TBC1D5: variants seen among roughly 807,000 people sequenced by gnomAD.
TBC1D5 encodes the protein TBC1 domain family member 5, also known as TBC1 domain family, member 5.
TBC1D5 carries 75 observed loss-of-function variants against 100.3 expected under a neutral mutation model. That is an observed-to-expected ratio of 0.75 (90% CI 0.62 to 0.91). The LOEUF (loss-of-function observed/expected upper bound fraction) is 0.91. Among genes scored for constraint, TBC1D5 ranks in the 40% least tolerant of loss-of-function variants. The pLI is 0.00. For missense variants in TBC1D5, 910 were observed against 942.4 expected (o/e 0.97, Z 0.45); for synonymous variants, 323 against 325.6 (o/e 0.99, Z 0.09).
At chr3:17,300,718 G>C (rs1484368725) in intron 14 of TBC1D5, among the ~76,000 whole-genome samples, 1 of 152,150 alleles carries the variant, frequency 6.6e-6, no homozygotes, top group Non-Finnish European at 1.5e-5. Context: ...TTCCATTTAT[G>C]GTGTTCAAAG....
At chr3:17,287,207 G>C (rs2081270146) in intron 15 of TBC1D5, among the ~76,000 whole-genome samples, 1 of 152,170 alleles carries the variant, frequency 6.6e-6, no homozygotes, top group African/African-American at 2.4e-5. Flanking sequence ...TGTTCAACTA[G>C]ATTAGAGTCA....
chr3:17,718,291 C>T (rs1442445680), intron 1 of TBC1D5, among the ~76,000 whole-genome samples: 1 of 152,146 alleles, frequency 6.6e-6, no homozygotes, highest in African/African-American at 2.4e-5. Context: ...CTGTGAAATA[C>T]ATGACATAAA....
intron 1 of TBC1D5, among the ~76,000 whole-genome samples, chr3:17,736,615 C>T (rs1283994716): frequency 6.6e-6 from 1 of 152,232 alleles, no homozygotes; most frequent in Non-Finnish European, 1.5e-5. Flanking sequence ...AATCAATCCA[C>T]TATCCCATCC....
chr3:17,457,716 C>T (rs559308962), intron 3 of TBC1D5, among the ~76,000 whole-genome samples: 1 of 151,184 alleles, frequency 6.6e-6, no homozygotes, highest in Non-Finnish European at 1.5e-5. Flanking sequence ...TTTTCTTGCG[C>T]GTTCATATGC....
intron 3 of TBC1D5, among the ~76,000 whole-genome samples, chr3:17,481,142 C>A (rs576945503): frequency 3.3e-5 from 5 of 152,302 alleles, no homozygotes; most frequent in Admixed American, 2.6e-4. Flanking sequence ...GATGTGGGTG[C>A]CCACAATGGA....
At chr3:17,559,891 A>G (rs2096547459) in intron 2 of TBC1D5, among the ~76,000 whole-genome samples, 2 of 152,088 alleles carry the variant, frequency 1.3e-5, no homozygotes, top group Admixed American at 1.3e-4. Flanking sequence ...GCCCGGCCAA[A>G]TCTAGAATTT....
At chr3:17,606,220 C>T (rs536437579) in intron 2 of TBC1D5, among the ~76,000 whole-genome samples, 8 of 152,226 alleles carry the variant, frequency 5.3e-5, no homozygotes, top group South Asian at 4.2e-4. Flanking sequence ...GAGGGAGGAT[C>T]GCTTGAGCCC....
At chr3:17,625,209 T>G (rs1055936121) in intron 1 of TBC1D5, among the ~76,000 whole-genome samples, 1 of 152,038 alleles carries the variant, frequency 6.6e-6, no homozygotes, top group African/African-American at 2.4e-5. Flanking sequence ...GTCTTATTGT[T>G]TTTTTAATAT....
chr3:17,466,438 C>G (rs1209013529), intron 3 of TBC1D5, among the ~76,000 whole-genome samples: 1 of 152,196 alleles, frequency 6.6e-6, no homozygotes, highest in Non-Finnish European at 1.5e-5. Context: ...TATAGCTTGT[C>G]TCAGGCAGTT....
intron 2 of TBC1D5, among the ~76,000 whole-genome samples, chr3:17,531,348 TG>T (rs2096221889): frequency 6.6e-6 from 1 of 152,070 alleles, no homozygotes; most frequent in Admixed American, 6.6e-5. Flanking sequence ...TACAAACAAA[TG>T]GAAGAACATT....
intron 1 of TBC1D5, among the ~76,000 whole-genome samples, chr3:17,637,578 C>T (rs1399797320): frequency 2.6e-5 from 4 of 151,560 alleles, no homozygotes; most frequent in African/African-American, 9.7e-5. Context: ...CACACTAATA[C>T]AAAGATCATC....
At chr3:17,686,634 T>C (rs772960834) in intron 1 of TBC1D5, among the ~76,000 whole-genome samples, 1 of 152,144 alleles carries the variant, frequency 6.6e-6, no homozygotes, top group Non-Finnish European at 1.5e-5. Flanking sequence ...GCCTACACAA[T>C]CTTCAGTGGG....
upstream of TBC1D5, among the ~76,000 whole-genome samples, chr3:17,742,043 G>GT (rs2077497172): frequency 3.9e-5 from 6 of 152,214 alleles, no homozygotes; most frequent in South Asian, 1.2e-3. Context: ...TACTAAGTAG[G>GT]AAGTTGAGCA....
chr3:17,161,894 G>A (rs951079539), intron 21 of TBC1D5, among the ~76,000 whole-genome samples: 16 of 152,252 alleles, frequency 1.1e-4, no homozygotes, highest in African/African-American at 3.4e-4. Context: ...GGTGGTAACC[G>A]GTAGGTTCTA....
At position 17,315,858 on chromosome 3, in the gene TBC1D5, G is replaced by C. The variant is rs138420177; in HGVS notation, c.996-7724C>G. 3.9e-5 allele frequency among the ~76,000 whole-genome samples: 6 copies of C among 152,292 alleles called. No individual in the cohort carries two copies. The East Asian group carries it at 5.8e-4, about 15-fold the overall frequency. On this transcript the variant is annotated intron_variant, in intron 13 of 21. Coordinates refer to ENST00000253692, the Ensembl canonical transcript of TBC1D5. ...GCTTTACGGTGTGGGGGACGGGCGG[G>C]GGGAGGCTTCAGGTATGCCCCACTG...
rs1010034989 is a variant in TBC1D5, at chr3:17,519,147, C to T, written c.-35-10542G>A. ...GCTCAGGGAAGAGGCAGTGCATGCA[C>T]ATTTCATGTAAAGTGTGTAAGGAGT... On this transcript the variant is annotated intron_variant, in intron 2 of 21. Transcript: ENST00000253692. Among the ~76,000 whole-genome samples, 8 of 152,310 alleles carry T rather than the reference C, an allele frequency of 5.3e-5. No homozygotes were observed. In the East Asian group the frequency reaches 1.2e-3, roughly 22 times the overall value.
intron 2 of TBC1D5, among the ~76,000 whole-genome samples, chr3:17,569,190 G>A (rs575421317): frequency 6.6e-6 from 1 of 151,726 alleles, no homozygotes; most frequent in African/African-American, 2.4e-5. Flanking sequence ...ATCACTGAAA[G>A]ATAAAAACCC....
chr3:17,361,459 G>T (rs892283729), intron 13 of TBC1D5, among the ~76,000 whole-genome samples: 2 of 151,938 alleles, frequency 1.3e-5, no homozygotes, highest in Non-Finnish European at 2.9e-5. Flanking sequence ...TTCAACAATA[G>T]TAGAATAAAC....
chr3:17,493,695 C>T (rs1413487269), intron 3 of TBC1D5, among the ~76,000 whole-genome samples: 2 of 152,122 alleles, frequency 1.3e-5, no homozygotes, highest in African/African-American at 4.8e-5. Flanking sequence ...GTCTGATATC[C>T]TTTCTTCCAC....
Sources: allele counts gnomAD v4.1 joint callset (sites outside exome capture counted in the v4.1 genomes callset), GRCh38; gene constraint gnomAD v4.1.1; transcripts MANE v1.5; gene names NCBI Gene and HGNC (gene_info 2026-07-23, HGNC 2026-07-21).